RAD50: variants seen among roughly 807,000 people sequenced by gnomAD.
RAD50 encodes the protein DNA repair protein RAD50.
Under a neutral mutation model 168.8 loss-of-function variants are expected in RAD50, and 132 were observed. The ratio of observed to expected loss-of-function variants is 0.78; its 90% confidence interval spans 0.68 to 0.90. RAD50 has a LOEUF of 0.90. RAD50 is among the 40% of genes least tolerant of loss of function. RAD50 has a pLI of 0.00. For missense variants in RAD50, 1,347 were observed against 1,534.4 expected (o/e 0.88, Z 2.04); for synonymous variants, 525 against 497.4 (o/e 1.06, Z -0.74).
At position 132,644,610 on chromosome 5, in the gene RAD50, G is replaced by C. The variant is rs1751811630; in HGVS notation, c.*2246G>C. The C allele has an allele frequency of 5.5e-6, 1 of 180,884 alleles. No individual in the cohort carries two copies. The highest frequency in any genetic ancestry group is 1.2e-5 in the Non-Finnish European group (1 of 84,694). The allele number at this position is 180,884 out of a possible 1,614,324, so 11.2% of individuals were successfully genotyped here. Reference sequence around the variant, plus strand: ...CTGTGTAAGTGTTCAAGAAAAAGCTGTCTTCATTTCACTCTTGTTGCAGTT... The same window carrying C: ...CTGTGTAAGTGTTCAAGAAAAAGCTCTCTTCATTTCACTCTTGTTGCAGTT... On this transcript the variant is annotated 3_prime_UTR_variant, in exon 25 of 25. Coordinates refer to ENST00000378823, the MANE Select transcript of RAD50 (RefSeq NM_005732.4).
chr5:132,611,227 C>T (rs558996384), intron 19 of RAD50, among the ~76,000 whole-genome samples: 15 of 151,868 alleles, frequency 9.9e-5, no homozygotes, highest in Non-Finnish European at 2.1e-4. Context: ...CCCATCTCTA[C>T]TGAAAATAGA....
At chr5:132,620,197 G>A (rs1007358443) in intron 21 of RAD50, among the ~76,000 whole-genome samples, 22 of 152,180 alleles carry the variant, frequency 1.4e-4, no homozygotes, top group African/African-American at 2.6e-4. Flanking sequence ...GAGCTGCCAC[G>A]CCCTACTTCT....
At chr5:132,621,707 T>C (rs1022241229) in intron 21 of RAD50, among the ~76,000 whole-genome samples, 1 of 152,220 alleles carries the variant, frequency 6.6e-6, no homozygotes, top group African/African-American at 2.4e-5. Context: ...TTGGCCTCTA[T>C]GGTTACAGTT....
intron 23 of RAD50, 54 bp downstream of exon 23, chr5:132,638,277 A>T: frequency 6.2e-7 from 1 of 1,605,148 alleles, no homozygotes; most frequent in Admixed American, 1.7e-5. Context: ...TGAAAGAGAG[A>T]AACAAACATC....
Position 132,603,412 on chromosome 5 carries a change from C to T in RAD50, c.2320C>T (p.Leu774Phe). ...GAACGACATAGAAGAACAAGAAACA[C>T]TCTTGGGTACAATAATGCCTGAAGA... ...LKNDIEEQETLLGTIMPEEES... is the reference protein window; with the variant it reads ...LKNDIEEQETFLGTIMPEEES... The change falls in exon 14 of 25, where the codon CTC becomes TTC. Residue 774 changes from leucine to phenylalanine, a missense_variant. Transcript: ENST00000378823. The T allele has an allele frequency of 6.2e-7, 1 of 1,613,934 alleles. No individual in the cohort carries two copies. The highest frequency in any genetic ancestry group is 8.5e-7 in the Non-Finnish European group (1 of 1,179,880).
intron 2 of RAD50, among the ~76,000 whole-genome samples, chr5:132,573,420 A>T (rs533862207): frequency 6.6e-6 from 1 of 152,146 alleles, no homozygotes; most frequent in Non-Finnish European, 1.5e-5. Context: ...GAGACTTACT[A>T]TCATGAGAAC....
chr5:132,579,644 C>A, intron 4 of RAD50, 142 bp downstream of exon 4: 1 of 899,500 alleles, frequency 1.1e-6, no homozygotes. Context: ...AACCATTGGG[C>A]ATATTTTCTT....
intron 13 of RAD50, among the ~76,000 whole-genome samples, chr5:132,601,033 A>C (rs1750878761): frequency 6.6e-6 from 1 of 150,460 alleles, no homozygotes; most frequent in Non-Finnish European, 1.5e-5. Context: ...AAAAAAAGAA[A>C]AACAAACCCA....
At position 132,643,967 on chromosome 5, in the gene RAD50, T is replaced by C. The variant is rs1277776342; in HGVS notation, c.*1603T>C. 1 of 228,202 alleles carries C rather than the reference T, an allele frequency of 4.4e-6. No individual in the cohort carries two copies. The highest frequency in any genetic ancestry group is 2.2e-5 in the African/African-American group (1 of 45,120). The allele number at this position is 228,202 out of a possible 1,614,324, so 14.1% of individuals were successfully genotyped here. Reference sequence around the variant, plus strand: ...CCTAGCTTTAGCAAACTCACAGTTTTGCAAATAATATTTTCTTAATGTTAT... The same window carrying C: ...CCTAGCTTTAGCAAACTCACAGTTTCGCAAATAATATTTTCTTAATGTTAT... On this transcript the variant is annotated 3_prime_UTR_variant, in exon 25 of 25. Coordinates refer to ENST00000378823, the MANE Select transcript of RAD50 (RefSeq NM_005732.4).
intron 3 of RAD50, among the ~76,000 whole-genome samples, chr5:132,578,689 G>T (rs1349427756): frequency 6.6e-6 from 1 of 151,522 alleles, no homozygotes; most frequent in Non-Finnish European, 1.5e-5. Flanking sequence ...ACCACACCTG[G>T]CTAATTTTTT....
chr5:132,640,424 A>C (rs955464259), intron 23 of RAD50, among the ~76,000 whole-genome samples: 3 of 152,202 alleles, frequency 2.0e-5, no homozygotes, highest in Non-Finnish European at 2.9e-5. Context: ...TTTATGTGAG[A>C]GCATCAGCGT....
rs961530526 is a variant in RAD50, at chr5:132,645,862, C to G, written c.*3498C>G. 1 of 152,156 alleles carries G rather than the reference C, an allele frequency of 6.6e-6. No homozygotes were observed. Among genetic ancestry groups the G allele is most frequent in the Non-Finnish European group, 1.5e-5 (1 of 68,030 alleles). 9.4% of individuals were successfully genotyped at this position (152,156 alleles called of 1,614,324 possible). ...TACTGGCTTGCCATGTGTACCGACA[C>G]AGCTGCTTTCCACAGTTTAAAAAGA... On this transcript the variant is annotated 3_prime_UTR_variant, in exon 25 of 25. Coordinates refer to ENST00000378823, the MANE Select transcript of RAD50 (RefSeq NM_005732.4).
intron 21 of RAD50, among the ~76,000 whole-genome samples, chr5:132,618,843 A>G (rs971375983): frequency 6.6e-6 from 1 of 152,186 alleles, no homozygotes; most frequent in Non-Finnish European, 1.5e-5. Context: ...CCAATCTACC[A>G]TTATCACTGA....
chr5:132,635,649 C>T (rs927881598), intron 21 of RAD50, among the ~76,000 whole-genome samples: 7 of 152,214 alleles, frequency 4.6e-5, no homozygotes, highest in African/African-American at 1.7e-4. Flanking sequence ...TTGTCTGGAG[C>T]TTGTTCTCCA....
At chr5:132,591,779 T>C in intron 10 of RAD50, 98 bp from the exon 11 acceptor site, 1 of 886,048 alleles carries the variant, frequency 1.1e-6, no homozygotes, top group South Asian at 1.9e-5. Context: ...TTTATAGTTT[T>C]AAGCTTAGAA....
chr5:132,558,131 G>C (rs1467673848), intron 1 of RAD50, among the ~76,000 whole-genome samples: 2 of 152,172 alleles, frequency 1.3e-5, no homozygotes, highest in Non-Finnish European at 2.9e-5. Context: ...GCAGGGAGAA[G>C]AGTCTAAAGG....
chr5:132,593,141 G>C (rs538787113), intron 11 of RAD50: 4 of 217,808 alleles, frequency 1.8e-5, no homozygotes, highest in African/African-American at 9.0e-5. Flanking sequence ...GTAAACTGCT[G>C]ATTTGTTTGG....
At chr5:132,585,266 A>G (rs1033636414) in intron 5 of RAD50, among the ~76,000 whole-genome samples, 24 of 152,140 alleles carry the variant, frequency 1.6e-4, no homozygotes, top group Non-Finnish European at 3.1e-4. Flanking sequence ...GTACCACTTC[A>G]TAGTCCTACC....
rs1448231835 is a variant in RAD50, at chr5:132,609,421, CACTT to C, written c.3036+28_3036+31del. On this transcript the variant is annotated intron_variant, in intron 19 of 24. Transcript: ENST00000378823. ...GGTAGGTCTGTTTTGCTTATGATAT[CACTT>C]ACACCTATGACATTCTTTTCTATAG... 5 of 1,612,086 alleles carry C rather than the reference CACTT, an allele frequency of 3.1e-6. No individual in the cohort carries two copies. The African/African-American group carries it at 5.3e-5, about 17-fold the overall frequency.
Sources: allele counts gnomAD v4.1 joint callset (sites outside exome capture counted in the v4.1 genomes callset), GRCh38; gene constraint gnomAD v4.1.1; transcripts MANE v1.5; gene names NCBI Gene and HGNC (gene_info 2026-07-23, HGNC 2026-07-21).